The following EPHB1 variants were observed in gnomAD, a reference collection of about 807,000 sequenced individuals.
The protein encoded by EPHB1 is EPH receptor B1, also known as ephrin type-B receptor 1.
In EPHB1, 30 loss-of-function variants were observed where a neutral mutation model predicts 94.4. The ratio of observed to expected loss-of-function variants is 0.32; its 90% CI spans 0.24 to 0.43. The LOEUF (loss-of-function observed/expected upper bound fraction) is 0.43. EPHB1 is among the 20% of genes least tolerant of loss of function. The probability of loss-of-function intolerance (pLI) is 1.00; values close to 1 mark genes in which losing one functional copy is unlikely to be tolerated. For missense variants in EPHB1, 1,055 were observed against 1,308.3 expected (o/e 0.81, Z 2.99); for synonymous variants, 522 against 489.1 (o/e 1.07, Z -0.89).
At position 135,241,298 on chromosome 3, in the gene EPHB1, G is replaced by A; in HGVS notation, c.2496+1G>A. 1 of 1,614,152 alleles carries A rather than the reference G, an allele frequency of 6.2e-7. No homozygotes were observed. Among genetic ancestry groups the A allele is most frequent in the Non-Finnish European group, 8.5e-7 (1 of 1,179,984 alleles). On this transcript the variant is annotated splice_donor_variant, in intron 13 of 15. Transcript: ENST00000398015. LOFTEE classifies it high-confidence loss of function. ...CTATTGGGATATGTCCAACCAAGATGTGAGTGTCAGCAGCACTTGGTCACC... is the reference window on the plus strand; with the variant it reads ...CTATTGGGATATGTCCAACCAAGATATGAGTGTCAGCAGCACTTGGTCACC...
chr3:134,805,794 T>A (rs1157805048), intron 1 of EPHB1, among the ~76,000 whole-genome samples: 3 of 152,208 alleles, frequency 2.0e-5, no homozygotes, highest in Non-Finnish European at 4.4e-5. Context: ...ACCACAGTGA[T>A]CGCTTCCTCC....
intron 1 of EPHB1, among the ~76,000 whole-genome samples, chr3:134,895,779 G>A (rs116151906): frequency 0.012 from 1,797 of 152,266 alleles, 35 homozygotes; most frequent in African/African-American, 0.041. Context: ...ACAGAAGAGC[G>A]AGCCAGGTTT....
chr3:134,857,125 G>C (rs1328831813), intron 1 of EPHB1, among the ~76,000 whole-genome samples: 1 of 152,246 alleles, frequency 6.6e-6, no homozygotes, highest in Non-Finnish European at 1.5e-5. Context: ...AGCCAAATGA[G>C]CCAGCCTTGG....
intron 1 of EPHB1, among the ~76,000 whole-genome samples, chr3:134,801,158 A>T (rs752883678): frequency 1.5e-4 from 23 of 152,120 alleles, no homozygotes; most frequent in Non-Finnish European, 2.9e-4. Flanking sequence ...TGTTCAGACA[A>T]CCTCAACACT....
In EPHB1 at chr3:135,038,963, C is replaced by T. The variant is rs538276386; in HGVS notation, c.806-67485C>T. On this transcript the variant is annotated intron_variant, in intron 3 of 15. Transcript: ENST00000398015. The stretch of plus-strand genomic sequence containing the variant: ...TGTTTTGTCACGGCGCTGATTGGTG[C>T]GTTTACAATCCCTGAGCTAGATACA... Among the ~76,000 whole-genome samples, 789 of 152,234 alleles carry T rather than the reference C, an allele frequency of 5.2e-3. 2 individuals are homozygous for T. The highest frequency in any genetic ancestry group is 0.014 in the Middle Eastern group (4 of 294).
At chr3:134,920,155 C>T (rs939880822) in intron 1 of EPHB1, among the ~76,000 whole-genome samples, 3 of 152,106 alleles carry the variant, frequency 2.0e-5, no homozygotes, top group African/African-American at 4.8e-5. Flanking sequence ...ATTCCCTGTT[C>T]GTCTCTGCTT....
At chr3:135,145,494 G>T (rs1212306629) in intron 5 of EPHB1, among the ~76,000 whole-genome samples, 1 of 152,190 alleles carries the variant, frequency 6.6e-6, no homozygotes, top group Non-Finnish European at 1.5e-5. Flanking sequence ...TGGGGAGATA[G>T]AAAATGGACT....
At chr3:135,148,945 T>A (rs1197605370) in intron 5 of EPHB1, among the ~76,000 whole-genome samples, 1 of 152,256 alleles carries the variant, frequency 6.6e-6, no homozygotes, top group Non-Finnish European at 1.5e-5. Flanking sequence ...CTGATTCTGT[T>A]TGAACCCTAG....
chr3:135,195,342 T>TTTAC (rs1942570011), intron 11 of EPHB1, among the ~76,000 whole-genome samples: 1 of 152,076 alleles, frequency 6.6e-6, no homozygotes, highest in Non-Finnish European at 1.5e-5. Context: ...TATTTATTTA[T>TTTAC]TTATTTATTT....
chr3:135,175,009 A>G (rs1011088357), intron 9 of EPHB1, among the ~76,000 whole-genome samples: 1 of 152,196 alleles, frequency 6.6e-6, no homozygotes, highest in Non-Finnish European at 1.5e-5. Context: ...CGTGATCTCC[A>G]CTAAGATGTC....
chr3:135,119,941 G>A (rs982848679), intron 4 of EPHB1, among the ~76,000 whole-genome samples: 1 of 152,152 alleles, frequency 6.6e-6, no homozygotes, highest in African/African-American at 2.4e-5. Context: ...AACTGTTTGT[G>A]TATGTTTGTC....
intron 3 of EPHB1, among the ~76,000 whole-genome samples, chr3:135,023,700 T>C (rs1476762599): frequency 6.6e-6 from 1 of 152,226 alleles, no homozygotes; most frequent in Non-Finnish European, 1.5e-5. Context: ...TAATAATTGA[T>C]GGAAATCCCT....
In EPHB1 at chr3:135,198,738, GT is replaced by G. The variant is rs199525454; in HGVS notation, c.2131-2735del. 6.8e-4 allele frequency among the ~76,000 whole-genome samples: 104 copies of G among 152,294 alleles called. 1 individual carries two copies. The East Asian group carries it at 0.02, about 29-fold the overall frequency. ...GATGTTAGCAGGGATCATTGCTACC[GT>G]CTTAGGATACACAAGGCACTGAGCT... On this transcript the variant is annotated intron_variant, in intron 11 of 15. Coordinates refer to ENST00000398015, the MANE Select transcript of EPHB1 (RefSeq NM_004441.5).
At chr3:135,159,647 G>A (rs929462945) in intron 6 of EPHB1, among the ~76,000 whole-genome samples, 3 of 152,206 alleles carry the variant, frequency 2.0e-5, no homozygotes, top group African/African-American at 4.8e-5. Flanking sequence ...GGGGTGGGGA[G>A]GATCCCCTTG....
At chr3:135,066,378 G>C (rs974493920) in intron 3 of EPHB1, among the ~76,000 whole-genome samples, 3 of 152,170 alleles carry the variant, frequency 2.0e-5, no homozygotes, top group African/African-American at 2.4e-5. Context: ...AAACTTCTTG[G>C]AGGCTTTGTT....
At chr3:135,022,081 G>A (rs1233125515) in intron 3 of EPHB1, among the ~76,000 whole-genome samples, 1 of 152,090 alleles carries the variant, frequency 6.6e-6, no homozygotes, top group Non-Finnish European at 1.5e-5. Context: ...CTGGGTTCAC[G>A]CCATTCTTCT....
intron 11 of EPHB1, among the ~76,000 whole-genome samples, chr3:135,198,278 C>T (rs757836400): frequency 3.3e-5 from 5 of 152,320 alleles, no homozygotes; most frequent in East Asian, 1.9e-4. Flanking sequence ...AAACCCACAC[C>T]GTGATTTAAG....
intron 4 of EPHB1, among the ~76,000 whole-genome samples, chr3:135,111,354 G>A (rs1939434693): frequency 6.6e-6 from 1 of 152,206 alleles, no homozygotes; most frequent in African/African-American, 2.4e-5. Context: ...AAGTAACTCT[G>A]AAGGCTGTGA....
intron 1 of EPHB1, among the ~76,000 whole-genome samples, chr3:134,802,966 G>C (rs888290982): frequency 6.6e-6 from 1 of 152,114 alleles, no homozygotes; most frequent in Non-Finnish European, 1.5e-5. Flanking sequence ...TGCGAAAAGA[G>C]GGAAAAGGTG....
Sources: gnomAD v4.1 joint callset for allele counts (sites outside exome capture counted in the v4.1 genomes callset) on GRCh38, gnomAD v4.1.1 for gene constraint, MANE v1.5 for transcripts, NCBI Gene and HGNC (gene_info 2026-07-23, HGNC 2026-07-21) for gene names.